FTCDNL1: variants seen among roughly 807,000 people sequenced by gnomAD.
FTCDNL1 encodes formiminotransferase cyclodeaminase N-terminal like, also known as formiminotransferase N-terminal subdomain-containing protein.
In FTCDNL1, 11 loss-of-function variants were observed where a neutral mutation model predicts 5.9. The ratio of observed to expected loss-of-function variants is 1.87; its 90% CI spans 1.18 to 3.10. The LOEUF is 3.10. FTCDNL1 is among the 30% of genes most tolerant of loss of function. The pLI, the probability that FTCDNL1 is intolerant of heterozygous loss-of-function variation, is 0.00. For synonymous variants in FTCDNL1, 58 were observed against 24.8 expected, an observed-to-expected ratio of 2.34 and a Z score of -3.99; for missense variants, 115 against 65.5, an observed-to-expected ratio of 1.76 and a Z score of -2.61.
At chr2:199,687,953 A>T in the FTCDNL1 span, among the ~76,000 whole-genome samples, 2 of 152,120 alleles carry the variant, frequency 1.3e-5, no homozygotes, top group Non-Finnish European at 2.9e-5. Context: ...ATTTAAAGTG[A>T]GCATGTCTCT....
the FTCDNL1 span, among the ~76,000 whole-genome samples, chr2:199,697,373 C>A: frequency 1.3e-5 from 2 of 152,042 alleles, no homozygotes; most frequent in African/African-American, 4.8e-5. Context: ...TTAAAGGCAG[C>A]TAGAGGGAAA....
chr2:199,792,799 C>A (rs191121817), intron 3 of FTCDNL1, among the ~76,000 whole-genome samples: 1 of 152,210 alleles, frequency 6.6e-6, no homozygotes, highest in Admixed American at 6.5e-5. Context: ...CATGTGCAAC[C>A]TTTGTATCCA....
chr2:199,803,567 C>T (rs1289516063), intron 3 of FTCDNL1, among the ~76,000 whole-genome samples: 2 of 152,188 alleles, frequency 1.3e-5, no homozygotes, highest in East Asian at 1.9e-4. Context: ...CAGGCTCAAA[C>T]GATCCTCACT....
At chr2:199,805,592 A>G (rs1423329316), downstream of FTCDNL1, among the ~76,000 whole-genome samples, 6 of 152,078 alleles carry the variant, frequency 3.9e-5, no homozygotes, top group South Asian at 4.1e-4. Context: ...ACAAAAAATT[A>G]GCTGGGTGTG....
intron 3 of FTCDNL1, among the ~76,000 whole-genome samples, chr2:199,820,897 T>A (rs988730061): frequency 2.6e-5 from 4 of 152,192 alleles, no homozygotes; most frequent in African/African-American, 9.7e-5. Flanking sequence ...GGGGCTGGCC[T>A]GGGATAGCAG....
At chr2:199,683,620 A>G in the FTCDNL1 span, among the ~76,000 whole-genome samples, 4 of 151,074 alleles carry the variant, frequency 2.6e-5, no homozygotes, top group Middle Eastern at 3.2e-3. Context: ...TTCTTCTAGG[A>G]GCCCATAGTT....
chr2:199,664,686 A>G, the FTCDNL1 span, among the ~76,000 whole-genome samples: 1 of 152,228 alleles, frequency 6.6e-6, no homozygotes, highest in African/African-American at 2.4e-5. Flanking sequence ...TGAGTCCCCA[A>G]AAAGCCAAAG....
At chr2:199,791,066 T>C (rs1407321589) in intron 3 of FTCDNL1, among the ~76,000 whole-genome samples, 1 of 152,072 alleles carries the variant, frequency 6.6e-6, no homozygotes, top group Non-Finnish European at 1.5e-5. Flanking sequence ...TTATGACCCA[T>C]TTACAACATG....
chr2:199,765,407 TA>T (rs140894008), intron 3 of FTCDNL1, among the ~76,000 whole-genome samples: 3,500 of 151,628 alleles, frequency 0.023, 226 homozygotes, highest in Admixed American at 0.14. Flanking sequence ...ACAACTGCTC[TA>T]AAAATAAAGT....
intron 3 of FTCDNL1, among the ~76,000 whole-genome samples, chr2:199,767,787 T>C (rs1698605825): frequency 4.6e-5 from 7 of 152,194 alleles, no homozygotes; most frequent in Admixed American, 4.6e-4. Context: ...AACCTTAATC[T>C]TGGACTTCCC....
At chr2:199,756,985 A>G (rs778422424), downstream of FTCDNL1, among the ~76,000 whole-genome samples, 1 of 152,222 alleles carries the variant, frequency 6.6e-6, no homozygotes, top group Admixed American at 6.5e-5. Flanking sequence ...AGTGAATCAC[A>G]TGGTTTCTCC....
chr2:199,724,303 C>G, the FTCDNL1 span, among the ~76,000 whole-genome samples: 1 of 151,590 alleles, frequency 6.6e-6, no homozygotes, highest in South Asian at 2.1e-4. Flanking sequence ...AGTTAGTGGT[C>G]TATATATTTT....
the FTCDNL1 span, among the ~76,000 whole-genome samples, chr2:199,667,258 A>G: frequency 1.3e-5 from 2 of 152,188 alleles, no homozygotes. Flanking sequence ...TGGTTTTTAT[A>G]TAGCACCTTT....
Position 199,791,249 on chromosome 2 carries a change from TG to T in FTCDNL1, c.212-30415del, listed in dbSNP as rs552172127. On this transcript the variant is annotated intron_variant, in intron 3 of 3. Coordinates refer to the FTCDNL1 transcript ENST00000416668. ...AGGAAAAAATTTAAAAGATATCATT[TG>T]TCAACATGGATCACTGAGAGGGGGA... Among the ~76,000 whole-genome samples, 46 of 152,218 alleles carry T rather than the reference TG, an allele frequency of 3.0e-4. No homozygotes were observed. In the East Asian group the frequency reaches 8.9e-3, roughly 29 times the overall value.
chr2:199,787,836 A>G (rs1262970699), intron 3 of FTCDNL1, among the ~76,000 whole-genome samples: 1 of 152,214 alleles, frequency 6.6e-6, no homozygotes, highest in Non-Finnish European at 1.5e-5. Flanking sequence ...AGTCAATTTT[A>G]ATATTTTATA....
At chr2:199,787,790 C>T (rs1298621133) in intron 3 of FTCDNL1, among the ~76,000 whole-genome samples, 1 of 151,970 alleles carries the variant, frequency 6.6e-6, no homozygotes, top group Non-Finnish European at 1.5e-5. Flanking sequence ...TCAATGGCAT[C>T]TTAGATTGAA....
intron 3 of FTCDNL1, among the ~76,000 whole-genome samples, chr2:199,789,747 T>A (rs1319748871): frequency 6.6e-6 from 1 of 152,078 alleles, no homozygotes; most frequent in Admixed American, 6.5e-5. Context: ...ACCTTTAGAA[T>A]AAATAAAATT....
chr2:199,819,467 C>A, intron 4 of FTCDNL1, 105 bp downstream of exon 4: 1 of 636,154 alleles, frequency 1.6e-6, no homozygotes, highest in Non-Finnish European at 2.8e-6. Flanking sequence ...CAAGAAGCAG[C>A]CACCCCTATA....
chr2:199,845,874 G>T (rs932212995), intron 3 of FTCDNL1, among the ~76,000 whole-genome samples: 4 of 151,838 alleles, frequency 2.6e-5, no homozygotes, highest in African/African-American at 9.7e-5. Flanking sequence ...GGACCCCAAG[G>T]TTCACTGTAA....
Sources: allele counts gnomAD v4.1 joint callset (sites outside exome capture counted in the v4.1 genomes callset), GRCh38; gene constraint gnomAD v4.1.1; transcripts MANE v1.5; gene names NCBI Gene and HGNC (gene_info 2026-07-23, HGNC 2026-07-21).